Variants in ARMC10 observed in about 807,000 individuals in gnomAD.
The protein encoded by ARMC10 is armadillo repeat-containing protein 10.
A neutral mutation model predicts 30.2 loss-of-function variants in ARMC10; 23 were observed. The observed-to-expected ratio is 0.76, with a 90% CI of 0.55 to 1.08. The LOEUF is 1.08. Among genes scored for constraint, ARMC10 ranks in the 50% least tolerant of loss-of-function variants. The probability of loss-of-function intolerance (pLI) is 0.00; values close to 1 mark genes in which losing one functional copy is unlikely to be tolerated. For synonymous variants in ARMC10, 111 were observed against 164.4 expected (o/e 0.68, Z 2.48); for missense variants, 303 against 413.7 (o/e 0.73, Z 2.32).
chr7:103,079,124 G>A (rs2129520138), intron 2 of ARMC10, among the ~76,000 whole-genome samples: 1 of 152,186 alleles, frequency 6.6e-6, no homozygotes, highest in South Asian at 2.1e-4. Flanking sequence ...AGGATGGTAA[G>A]AAAAACTATA....
At chr7:103,079,090 A>G (rs1345994256) in intron 2 of ARMC10, among the ~76,000 whole-genome samples, 4 of 152,338 alleles carry the variant, frequency 2.6e-5, no homozygotes, top group East Asian at 1.9e-4. Flanking sequence ...AATTCATCCA[A>G]CAATCTAACG....
At chr7:103,077,380 T>C (rs1799983347) in intron 2 of ARMC10, among the ~76,000 whole-genome samples, 1 of 152,108 alleles carries the variant, frequency 6.6e-6, no homozygotes, top group South Asian at 2.1e-4. Context: ...CTGGGTAATT[T>C]ATTAGGAAAG....
intron 4 of ARMC10, among the ~76,000 whole-genome samples, chr7:103,090,685 T>C (rs1191587377): frequency 2.7e-5 from 4 of 149,354 alleles, no homozygotes; most frequent in Admixed American, 6.7e-5. Flanking sequence ...TTAATAGATA[T>C]GGGGTCTCAC....
At chr7:103,094,864 T>C (rs570355761) in intron 5 of ARMC10, among the ~76,000 whole-genome samples, 49 of 152,336 alleles carry the variant, frequency 3.2e-4, no homozygotes, top group Non-Finnish European at 7.2e-4. Flanking sequence ...CTGCTGAGGA[T>C]TGGAAGGGGC....
At chr7:103,077,284 A>T (rs59239770) in intron 2 of ARMC10, among the ~76,000 whole-genome samples, 2,273 of 92,686 alleles carry the variant, frequency 0.025, 46 homozygotes, top group African/African-American at 0.065. Flanking sequence ...GCCACTAGGT[A>T]TAATTCAGCT....
intron 2 of ARMC10, among the ~76,000 whole-genome samples, chr7:103,082,876 G>A (rs1800514387): frequency 6.6e-6 from 1 of 152,090 alleles, no homozygotes; most frequent in African/African-American, 2.4e-5. Context: ...CAAAATGTCA[G>A]GTTTTCTTTT....
chr7:103,091,986 A>G (rs1801375421), intron 4 of ARMC10, among the ~76,000 whole-genome samples: 1 of 152,222 alleles, frequency 6.6e-6, no homozygotes. Context: ...CTGTGCCTGG[A>G]ATTACCAAAG....
intron 3 of ARMC10, 85 bp from the exon 4 acceptor site, chr7:103,086,545 T>C: frequency 3.6e-6 from 5 of 1,394,098 alleles, no homozygotes; most frequent in Non-Finnish European, 4.8e-6. Flanking sequence ...GATTTTTAAT[T>C]GTATTTGTGG....
chr7:103,092,467 CT>C lies in ARMC10; in HGVS notation c.529-9del. On this transcript the variant is annotated splice_polypyrimidine_tract_variant and intron_variant, in intron 4 of 6. Transcript: ENST00000323716. The stretch of plus-strand genomic sequence containing the variant: ...ATTCTAAGATGCTCATTTTCCTCCC[CT>C]GCCTTCAGATATACATCAGTCAAGT... 6.5e-7 allele frequency: 1 copy of C among 1,550,350 alleles called. No individual in the cohort carries two copies. Among genetic ancestry groups the C allele is most frequent in the Non-Finnish European group, 8.8e-7 (1 of 1,135,272 alleles).
intron 2 of ARMC10, among the ~76,000 whole-genome samples, chr7:103,077,509 A>T (rs74300440): frequency 1.3e-5 from 2 of 152,080 alleles, no homozygotes; most frequent in African/African-American, 4.8e-5. Context: ...GTGTGTTAAC[A>T]TGCTGACTCA....
In ARMC10 at chr7:103,097,274, C is replaced by G. The variant is rs1349987012; in HGVS notation, c.706-3C>G. On this transcript the variant is annotated splice_polypyrimidine_tract_variant and splice_region_variant and intron_variant, in intron 5 of 6. Coordinates refer to ENST00000323716, the MANE Select transcript of ARMC10 (RefSeq NM_031905.5). ...GAGATAAGCCAGTATCATCTTCTTT[C>G]AGGTGCAAGTTTTGAAACTGCTTTT... The G allele has an allele frequency of 6.2e-7, 1 of 1,613,076 alleles. No homozygotes were observed. The highest frequency in any genetic ancestry group is 1.1e-5 in the South Asian group (1 of 91,040).
At chr7:103,082,284 A>T (rs1479831613) in intron 2 of ARMC10, among the ~76,000 whole-genome samples, 1 of 151,986 alleles carries the variant, frequency 6.6e-6, no homozygotes, top group Admixed American at 6.6e-5. Flanking sequence ...CACGTACCAC[A>T]TATTGTTTCC....
At chr7:103,083,156 TCTTA>T (rs922797821) in intron 2 of ARMC10, 5 of 456,570 alleles carry the variant, frequency 1.1e-5, no homozygotes, top group African/African-American at 1.0e-4. Flanking sequence ...GCATGAAGTG[TCTTA>T]CTAACAGCCA....
rs1423234904 is a variant in ARMC10, at chr7:103,097,339, C to T, written c.768C>T (p.Leu256=). The change falls in exon 6 of 7, where the codon CTC becomes CTT. Residue 256 remains leucine, a synonymous_variant. Transcript: ENST00000323716. ...ATCCAGCCATGACAGAAGGACTTCTCCGTGCCCAAGTAAATAGCTTATATA... is the reference window on the plus strand; with the variant it reads ...ATCCAGCCATGACAGAAGGACTTCTTCGTGCCCAAGTAAATAGCTTATATA... The part of the protein sequence containing the change: ...SENPAMTEGL[L]RAQVDSSFLS... 6 of 1,610,464 alleles carry T rather than the reference C, an allele frequency of 3.7e-6. No individual in the cohort carries two copies. Among genetic ancestry groups the T allele is most frequent in the Middle Eastern group, 1.6e-4 (1 of 6,074 alleles).
rs75148703 is a variant in ARMC10, at chr7:103,088,746, A to G, written c.528+1982A>G. On this transcript the variant is annotated intron_variant, in intron 4 of 6. Coordinates refer to ENST00000323716, the MANE Select transcript of ARMC10 (RefSeq NM_031905.5). ...AGCCTGGGCCACCTCTCCAACATAT[A>G]GTGAGAACTTATTACAGGTTTCAGC... 1.7e-3 allele frequency: 331 copies of G among 190,642 alleles called. 3 individuals are homozygous for G. The highest frequency in any genetic ancestry group is 7.7e-3 in the African/African-American group (323 of 42,172). 11.8% of individuals were successfully genotyped at this position (190,642 alleles called of 1,614,324 possible).
At chr7:103,088,045 C>T (rs972886764) in intron 4 of ARMC10, among the ~76,000 whole-genome samples, 7 of 152,196 alleles carry the variant, frequency 4.6e-5, no homozygotes, top group Admixed American at 1.3e-4. Flanking sequence ...AGTGTCATAC[C>T]AAAGATAAGG....
intron 2 of ARMC10, among the ~76,000 whole-genome samples, chr7:103,076,413 G>T (rs1799829382): frequency 6.6e-6 from 1 of 152,176 alleles, no homozygotes; most frequent in Non-Finnish European, 1.5e-5. Context: ...TCACAGAGTT[G>T]GGGAGATTGG....
chr7:103,077,083 T>C (rs6979140), intron 2 of ARMC10, among the ~76,000 whole-genome samples: 134,947 of 152,074 alleles, frequency 0.89, 62,093 homozygotes, highest in East Asian at 1. Flanking sequence ...TTTTAGGAGA[T>C]GAGTTTTCAC....
At chr7:103,085,654 G>C (rs1471795519) in intron 3 of ARMC10, among the ~76,000 whole-genome samples, 1 of 140,334 alleles carries the variant, frequency 7.1e-6, no homozygotes, top group African/African-American at 2.8e-5. Context: ...GTCTCACTCT[G>C]TTGCACGGGC....
Sources: allele counts gnomAD v4.1 joint callset (sites outside exome capture counted in the v4.1 genomes callset), GRCh38; gene constraint gnomAD v4.1.1; transcripts MANE v1.5; gene names NCBI Gene and HGNC (gene_info 2026-07-23, HGNC 2026-07-21).